The following SCMH1 variants were observed in gnomAD, a reference collection of about 807,000 sequenced individuals.
SCMH1 encodes polycomb protein SCMH1.
In SCMH1, 37 loss-of-function variants were observed where a neutral mutation model predicts 70.8. The ratio of observed to expected loss-of-function variants is 0.52; its 90% CI spans 0.40 to 0.69. SCMH1 has a LOEUF of 0.69. SCMH1 is among the 30% of genes least tolerant of loss of function. The probability of loss-of-function intolerance (pLI) is 0.00; values close to 1 mark genes in which losing one functional copy is unlikely to be tolerated. For missense variants in SCMH1, 607 were observed against 827.3 expected, an observed-to-expected ratio of 0.73 and a Z score of 3.27; for synonymous variants, 292 against 307.4, an observed-to-expected ratio of 0.95 and a Z score of 0.52.
chr1:41,214,969 C>T (rs1027211138), intron 1 of SCMH1, among the ~76,000 whole-genome samples: 1 of 152,114 alleles, frequency 6.6e-6, no homozygotes, highest in Admixed American at 6.5e-5. Flanking sequence ...ACCTAAAACT[C>T]GAGAAAAACA....
intron 2 of SCMH1, among the ~76,000 whole-genome samples, chr1:41,177,529 C>T (rs1647309364): frequency 6.6e-6 from 1 of 152,108 alleles, no homozygotes; most frequent in Non-Finnish European, 1.5e-5. Context: ...ATTACCAATG[C>T]AGAGAAGTCC....
intron 9 of SCMH1, among the ~76,000 whole-genome samples, chr1:41,074,072 CTT>C (rs532510799): frequency 9.2e-4 from 118 of 128,330 alleles, no homozygotes; most frequent in Admixed American, 1.3e-3. Flanking sequence ...TGACAGAAGT[CTT>C]TTTTTTTTTT....
At chr1:41,165,171 T>C (rs998794249) in intron 2 of SCMH1, among the ~76,000 whole-genome samples, 30 of 152,162 alleles carry the variant, frequency 2.0e-4, no homozygotes, top group African/African-American at 7.2e-4. Flanking sequence ...GACTTCAACA[T>C]TACATCCTCT....
At chr1:41,090,072 G>T (rs1662963258) in intron 8 of SCMH1, among the ~76,000 whole-genome samples, 1 of 151,800 alleles carries the variant, frequency 6.6e-6, no homozygotes, top group African/African-American at 2.4e-5. Flanking sequence ...GATTACAGGT[G>T]TGAGCCACCA....
intron 6 of SCMH1, among the ~76,000 whole-genome samples, chr1:41,126,958 G>A (rs2148020880): frequency 6.6e-6 from 1 of 152,170 alleles, no homozygotes; most frequent in Non-Finnish European, 1.5e-5. Flanking sequence ...CTCCCTCTCT[G>A]GTGTGAAATG....
intron 1 of SCMH1, among the ~76,000 whole-genome samples, chr1:41,226,951 A>T (rs963187660): frequency 6.6e-6 from 1 of 152,108 alleles, no homozygotes; most frequent in Non-Finnish European, 1.5e-5. Context: ...ATAAGAAAAA[A>T]CCCTGAGGTG....
chr1:41,039,012 G>C (rs904965172), intron 12 of SCMH1, among the ~76,000 whole-genome samples: 2 of 152,224 alleles, frequency 1.3e-5, no homozygotes, highest in Non-Finnish European at 2.9e-5. Flanking sequence ...GGAACTTTAT[G>C]AATGTGAAAA....
At chr1:41,079,076 T>A (rs1659200817) in intron 8 of SCMH1, among the ~76,000 whole-genome samples, 1 of 152,150 alleles carries the variant, frequency 6.6e-6, no homozygotes, top group African/African-American at 2.4e-5. Flanking sequence ...AAGTCCAATA[T>A]GCATATTTGC....
intron 12 of SCMH1, among the ~76,000 whole-genome samples, chr1:41,039,783 C>T (rs568910474): frequency 3.0e-4 from 45 of 152,098 alleles, no homozygotes; most frequent in Non-Finnish European, 5.4e-4. Context: ...CTGAAGACTG[C>T]AATACTTTCA....
rs199546461 is a variant in SCMH1, at chr1:41,208,448, T to A, written c.-117-22198A>T. ...TAAGAAAAAAATTAAAAAAAAAAAA[T>A]AAAAAATAAAAGTGACCACATATTT... On this transcript the variant is annotated intron_variant, in intron 1 of 14. Coordinates refer to ENST00000337495, the Ensembl canonical transcript of SCMH1. Among the ~76,000 whole-genome samples the A allele has an allele frequency of 2.6e-3, 237 of 92,936 alleles. 1 individual carries two copies. The highest frequency in any genetic ancestry group is 0.015 in the South Asian group (48 of 3,274). 61.0% of individuals were successfully genotyped at this position (92,936 alleles called of 152,430 possible).
At chr1:41,040,230 C>T (rs1645945507) in intron 12 of SCMH1, among the ~76,000 whole-genome samples, 2 of 152,162 alleles carry the variant, frequency 1.3e-5, no homozygotes, top group South Asian at 4.1e-4. Context: ...AGCCACTATA[C>T]TAGTTATGGT....
chr1:41,188,033 ATCT>A (rs534641274), intron 1 of SCMH1, among the ~76,000 whole-genome samples: 47 of 152,240 alleles, frequency 3.1e-4, no homozygotes, highest in Non-Finnish European at 5.7e-4. Context: ...TGGTAGTATA[ATCT>A]TCTTGGAGGA....
At chr1:41,144,778 T>C (rs1644402702) in intron 5 of SCMH1, among the ~76,000 whole-genome samples, 1 of 152,218 alleles carries the variant, frequency 6.6e-6, no homozygotes, top group Non-Finnish European at 1.5e-5. Context: ...GTTTGTCTTT[T>C]TGATGTTAGA....
intron 12 of SCMH1, among the ~76,000 whole-genome samples, chr1:41,041,806 A>G (rs80183602): frequency 0.043 from 6,514 of 152,306 alleles, 206 homozygotes; most frequent in Non-Finnish European, 0.066. Context: ...AACCAGTGTC[A>G]TGGGCAATGA....
chr1:41,046,507 G>A (rs1247936253), exon 12 of SCMH1: 2 of 1,614,094 alleles, frequency 1.2e-6, no homozygotes, highest in African/African-American at 1.3e-5. Flanking sequence ...CACTACGAAG[G>A]TTGTGGCAGA....
At position 41,113,824 on chromosome 1, in the gene SCMH1, C is replaced by T. The variant is rs529221098; in HGVS notation, c.502-298G>A. ...TATTCCATTCCCCCTCTACCTACCA[C>T]GGAGGTAACAGCTACCCATGCATGT... On this transcript the variant is annotated intron_variant, in intron 7 of 14. Coordinates refer to ENST00000337495, the Ensembl canonical transcript of SCMH1. The surrounding 1 kb of genome is among the most constrained non-coding windows in gnomAD (Gnocchi z 4.3). Among the ~76,000 whole-genome samples the T allele has an allele frequency of 1.8e-4, 27 of 152,226 alleles. No individual in the cohort carries two copies. In the South Asian group the frequency reaches 2.5e-3, roughly 14 times the overall value.
At chr1:41,204,989 T>A (rs764995138) in intron 1 of SCMH1, among the ~76,000 whole-genome samples, 11 of 152,232 alleles carry the variant, frequency 7.2e-5, no homozygotes, top group Non-Finnish European at 1.3e-4. Flanking sequence ...TATACTTGGA[T>A]GGCTTATAAT....
At chr1:41,157,122 T>A (rs1645625818) in intron 4 of SCMH1, among the ~76,000 whole-genome samples, 1 of 152,012 alleles carries the variant, frequency 6.6e-6, no homozygotes, top group African/African-American at 2.4e-5. Flanking sequence ...CTTGGCTAAT[T>A]TTTTTCTTTG....
At chr1:41,222,493 T>C (rs1416956245) in intron 1 of SCMH1, among the ~76,000 whole-genome samples, 2 of 152,202 alleles carry the variant, frequency 1.3e-5, no homozygotes, top group Admixed American at 1.3e-4. Context: ...ATTACTATAC[T>C]AACTCTTTAT....
Sources: allele counts gnomAD v4.1 joint callset (sites outside exome capture counted in the v4.1 genomes callset), GRCh38; gene constraint gnomAD v4.1.1; non-coding constraint Gnocchi (gnomAD v3.1); transcripts MANE v1.5; gene names NCBI Gene and HGNC (gene_info 2026-07-23, HGNC 2026-07-21).